SCGB2B2: variants seen among roughly 807,000 people sequenced by gnomAD.
The protein encoded by SCGB2B2 is secretoglobin-like protein.
In SCGB2B2, 11 loss-of-function variants were observed where a neutral mutation model predicts 7.6. That is an observed-to-expected ratio of 1.45 (90% confidence interval 0.91 to 2.40). SCGB2B2 has a LOEUF of 2.40. Among genes scored for constraint, SCGB2B2 ranks in the 30% most tolerant of loss-of-function variants. The pLI is 0.00. For synonymous variants in SCGB2B2, 50 were observed against 48.6 expected, an observed-to-expected ratio of 1.03 and a Z score of -0.12; for missense variants, 104 against 115.4, an observed-to-expected ratio of 0.90 and a Z score of 0.45.
chr19:34,660,521 G>C (rs894122968), intron 1 of SCGB2B2, among the ~76,000 whole-genome samples: 1 of 152,178 alleles, frequency 6.6e-6, no homozygotes, highest in Non-Finnish European at 1.5e-5. Flanking sequence ...GCAGCCAACA[G>C]ATATATGAAA....
At chr19:34,586,207 T>C (rs1018578252), downstream of SCGB2B2, among the ~76,000 whole-genome samples, 9 of 152,228 alleles carry the variant, frequency 5.9e-5, no homozygotes, top group African/African-American at 1.9e-4. Context: ...AAGTTGATTC[T>C]AATTGTACTT....
intron 1 of SCGB2B2, among the ~76,000 whole-genome samples, chr19:34,674,523 A>G (rs969706765): frequency 2.6e-5 from 4 of 152,242 alleles, no homozygotes; most frequent in Non-Finnish European, 5.9e-5. Context: ...TGGAAAATTG[A>G]AATTAAAATG....
In SCGB2B2 at chr19:34,675,987, A is replaced by G. The variant is rs1307320741; in HGVS notation, c.-2389T>C. On this transcript the variant is annotated 5_prime_UTR_variant, in exon 1 of 4. Transcript: ENST00000601241. Reference sequence around the variant, plus strand: ...TCATAAAGGTAGTGCAGACCCAAAGAGCAAAAGAACAAACATCCCACACCT... The same window carrying G: ...TCATAAAGGTAGTGCAGACCCAAAGGGCAAAAGAACAAACATCCCACACCT... The G allele has an allele frequency of 6.6e-6, 1 of 152,210 alleles. No individual in the cohort carries two copies. Among genetic ancestry groups the G allele is most frequent in the Non-Finnish European group, 1.5e-5 (1 of 68,072 alleles). The allele number at this position is 152,210 out of a possible 1,614,324, so 9.4% of individuals were successfully genotyped here. A position where few individuals can be genotyped will look rare whatever the true frequency, so the allele number is the denominator to read the frequency against.
chr19:34,603,797 T>C (rs1208560126), intron 1 of SCGB2B2, among the ~76,000 whole-genome samples: 2 of 97,394 alleles, frequency 2.1e-5, no homozygotes, highest in South Asian at 4.5e-4. Flanking sequence ...TTTTATTACT[T>C]TTTTTTTTTT....
chr19:34,589,325 T>A (rs1047862746), downstream of SCGB2B2, among the ~76,000 whole-genome samples: 7 of 151,642 alleles, frequency 4.6e-5, no homozygotes, highest in East Asian at 1.2e-3. Flanking sequence ...ACGGCCTGTC[T>A]TCTACCAGGG....
chr19:34,667,346 G>T (rs1258106927), intron 1 of SCGB2B2, among the ~76,000 whole-genome samples: 1 of 151,838 alleles, frequency 6.6e-6, no homozygotes, highest in African/African-American at 2.4e-5. Context: ...CAACCAGGGT[G>T]CCTACACGGT....
chr19:34,639,525 G>A (rs936736777), intron 1 of SCGB2B2, among the ~76,000 whole-genome samples: 3 of 152,106 alleles, frequency 2.0e-5, no homozygotes, highest in African/African-American at 7.2e-5. Flanking sequence ...GCTATATAAT[G>A]TCACCAGAAC....
intron 1 of SCGB2B2, among the ~76,000 whole-genome samples, chr19:34,597,848 G>A (rs949676633): frequency 1.3e-5 from 2 of 152,344 alleles, no homozygotes; most frequent in Middle Eastern, 3.4e-3. Context: ...TGATGGGGCC[G>A]GTGTGGGGGC....
At chr19:34,649,502 G>A (rs565434987) in intron 1 of SCGB2B2, among the ~76,000 whole-genome samples, 1 of 152,050 alleles carries the variant, frequency 6.6e-6, no homozygotes, top group Admixed American at 6.5e-5. Context: ...TTTTTTGTGT[G>A]AATTTACTTA....
intron 2 of SCGB2B2, 71 bp from the exon 3 acceptor site, chr19:34,594,430 G>A: frequency 6.2e-7 from 1 of 1,601,138 alleles, no homozygotes; most frequent in Non-Finnish European, 8.6e-7. Flanking sequence ...TGGCCAATGA[G>A]ACCTTGGGAT....
chr19:34,672,163 TAAAC>T (rs1353629352), intron 1 of SCGB2B2, among the ~76,000 whole-genome samples: 1 of 151,966 alleles, frequency 6.6e-6, no homozygotes, highest in African/African-American at 2.4e-5. Flanking sequence ...AATAAATAAA[TAAAC>T]TATGTAGTAT....
At chr19:34,662,956 A>G (rs1226624614) in intron 1 of SCGB2B2, among the ~76,000 whole-genome samples, 1 of 147,296 alleles carries the variant, frequency 6.8e-6, no homozygotes, top group Non-Finnish European at 1.5e-5. Context: ...ACAAACAAAC[A>G]AACAAAAAAA....
chr19:34,638,477 C>A (rs1231851467), intron 1 of SCGB2B2, among the ~76,000 whole-genome samples: 1 of 151,332 alleles, frequency 6.6e-6, no homozygotes, highest in Non-Finnish European at 1.5e-5. Flanking sequence ...CCATCCCCCC[C>A]CAAAAAAACA....
At chr19:34,617,753 T>C (rs949196267) in intron 1 of SCGB2B2, among the ~76,000 whole-genome samples, 2 of 152,238 alleles carry the variant, frequency 1.3e-5, no homozygotes, top group African/African-American at 4.8e-5. Context: ...AGGACATCCC[T>C]GTCTTGTGCC....
chr19:34,629,994 CA>C (rs1215689974), intron 1 of SCGB2B2, among the ~76,000 whole-genome samples: 1 of 151,684 alleles, frequency 6.6e-6, no homozygotes, highest in Non-Finnish European at 1.5e-5. Flanking sequence ...ACAAACCTGA[CA>C]AAAAGAAGAA....
In SCGB2B2 at chr19:34,591,638, T is replaced by G. The variant is rs2065300606; in HGVS notation, c.*1917A>C. 6.6e-6 allele frequency among the ~76,000 whole-genome samples: 1 copy of G among 152,216 alleles called. No homozygotes were observed. Among genetic ancestry groups the G allele is most frequent in the South Asian group, 2.1e-4 (1 of 4,834 alleles). ...ACTTGCCTCGTTTTCTGACGTGACC[T>G]CCTTCCCTGCTGCCCCTTGTTCCAG... On this transcript the variant is annotated 3_prime_UTR_variant, in exon 4 of 4. Coordinates refer to ENST00000601241, the MANE Select transcript of SCGB2B2 (RefSeq NM_001025591.4).
chr19:34,644,912 G>T (rs139865217), intron 1 of SCGB2B2, among the ~76,000 whole-genome samples: 1 of 152,046 alleles, frequency 6.6e-6, no homozygotes, highest in East Asian at 1.9e-4. Flanking sequence ...CCTGTGTGAG[G>T]GGCTTTATAT....
chr19:34,668,759 G>A (rs1476931051), intron 1 of SCGB2B2, among the ~76,000 whole-genome samples: 2 of 152,162 alleles, frequency 1.3e-5, no homozygotes, highest in Non-Finnish European at 2.9e-5. Flanking sequence ...GAACCTTTGT[G>A]TCCACACTCT....
intron 1 of SCGB2B2, among the ~76,000 whole-genome samples, chr19:34,601,854 C>CT (rs1488928831): frequency 6.6e-6 from 1 of 152,002 alleles, no homozygotes; most frequent in Non-Finnish European, 1.5e-5. Context: ...TGAAAGTAGG[C>CT]TTTTTTGTTT....
Sources: allele counts gnomAD v4.1 joint callset (sites outside exome capture counted in the v4.1 genomes callset), GRCh38; gene constraint gnomAD v4.1.1; transcripts MANE v1.5; gene names NCBI Gene and HGNC (gene_info 2026-07-23, HGNC 2026-07-21).